Variants in RASSF5 observed in about 807,000 individuals in gnomAD.
RASSF5 encodes ras association domain-containing protein 5.
In RASSF5, 25 loss-of-function variants were observed where a neutral mutation model predicts 40.5. The observed-to-expected ratio is 0.62, with a 90% confidence interval of 0.45 to 0.86. The LOEUF is 0.86. Among genes scored for constraint, RASSF5 ranks in the 40% least tolerant of loss-of-function variants. The pLI is 0.00. For synonymous variants in RASSF5, 246 were observed against 252.4 expected (o/e 0.97, Z 0.24); for missense variants, 521 against 572.8 (o/e 0.91, Z 0.92).
At chr1:206,516,457 C>T (rs555572785) in intron 1 of RASSF5, among the ~76,000 whole-genome samples, 12 of 151,748 alleles carry the variant, frequency 7.9e-5, no homozygotes, top group African/African-American at 2.4e-4. Context: ...CCGCATTACA[C>T]GTGACTTTTT....
chr1:206,546,089 ATTTTTTTTTTTTTTTTTTTTT>A (rs10603701), intron 2 of RASSF5, among the ~76,000 whole-genome samples: 792 of 48,248 alleles, frequency 0.016, 31 homozygotes, highest in African/African-American at 0.06. Flanking sequence ...TTCTTTTTCT[ATTTTTTTTTTTTTTTTTTTTT>A]TTTTTTTTTT....
chr1:206,533,969 A>C (rs1480075262), intron 1 of RASSF5, among the ~76,000 whole-genome samples: 1 of 152,194 alleles, frequency 6.6e-6, no homozygotes, highest in African/African-American at 2.4e-5. Flanking sequence ...CTGCACACCA[A>C]GGAATCCAGC....
intron 2 of RASSF5, among the ~76,000 whole-genome samples, chr1:206,567,015 G>T (rs1162703484): frequency 6.6e-6 from 1 of 152,212 alleles, no homozygotes; most frequent in Non-Finnish European, 1.5e-5. Context: ...AGGGAAGCTT[G>T]CTAAGATTCT....
intron 5 of RASSF5, 135 bp downstream of exon 5, chr1:206,585,430 AG>A (rs1297750566): frequency 1.4e-6 from 1 of 690,230 alleles, no homozygotes; most frequent in Non-Finnish European, 2.6e-6. Flanking sequence ...GAGAGTGAGC[AG>A]GGGTGGGTGA....
At chr1:206,570,201 C>T (rs1668405513) in intron 2 of RASSF5, among the ~76,000 whole-genome samples, 1 of 150,580 alleles carries the variant, frequency 6.6e-6, no homozygotes. Context: ...AAGTGATTCT[C>T]CTGCCTCAGC....
rs1669143212 is a variant in RASSF5, at chr1:206,586,970, C to T, written c.1249C>T (p.Pro417Ser). 6.2e-7 allele frequency: 1 copy of T among 1,614,040 alleles called. No homozygotes were observed. The highest frequency in any genetic ancestry group is 8.5e-7 in the Non-Finnish European group (1 of 1,179,994). ...GGCCTTAAGAGAATCCCAGGGCAAACCTGGGTAACCGGTCCTGCTTCCTCT... is the reference window on the plus strand; with the variant it reads ...GGCCTTAAGAGAATCCCAGGGCAAATCTGGGTAACCGGTCCTGCTTCCTCT... ...EEALRESQGK[P>S]G The change falls in exon 6 of 6, where the codon CCT becomes TCT. Residue 417 changes from proline (P) to serine (S), a missense_variant. Coordinates refer to ENST00000579436, the MANE Select transcript of RASSF5 (RefSeq NM_182663.4).
intron 1 of RASSF5, among the ~76,000 whole-genome samples, chr1:206,509,287 G>A (rs1327986508): frequency 2.0e-5 from 3 of 152,224 alleles, no homozygotes; most frequent in African/African-American, 4.8e-5. Context: ...TGTGCTGCCC[G>A]CTGCAGCTGG....
At chr1:206,575,159 G>T (rs1270271566) in intron 2 of RASSF5, among the ~76,000 whole-genome samples, 1 of 152,090 alleles carries the variant, frequency 6.6e-6, no homozygotes, top group African/African-American at 2.4e-5. Context: ...AGATAGATGG[G>T]TGTCTGCCCC....
At chr1:206,585,370 A>G in intron 5 of RASSF5, 75 bp downstream of exon 5, 1 of 1,060,126 alleles carries the variant, frequency 9.4e-7, no homozygotes, top group South Asian at 1.3e-5. Context: ...TGTCCTAACT[A>G]CCTCACATAG....
chr1:206,565,847 AG>A (rs1668275924), intron 2 of RASSF5, among the ~76,000 whole-genome samples: 1 of 152,170 alleles, frequency 6.6e-6, no homozygotes, highest in South Asian at 2.1e-4. Flanking sequence ...AGGAGGATGG[AG>A]GGGGATTTAC....
At chr1:206,524,062 A>ACATATATATTTTATATATAATATGTATAC (rs1553396714) in intron 1 of RASSF5, among the ~76,000 whole-genome samples, 35 of 105,290 alleles carry the variant, frequency 3.3e-4, no homozygotes, top group Non-Finnish European at 5.2e-4. Flanking sequence ...AATAGGTATA[A>ACATATATATTTTATATATAATATGTATAC]CATATATAAT....
At chr1:206,554,119 G>A (rs1667920099) in intron 2 of RASSF5, among the ~76,000 whole-genome samples, 1 of 152,210 alleles carries the variant, frequency 6.6e-6, no homozygotes, top group Non-Finnish European at 1.5e-5. Flanking sequence ...CAGGGGTGCG[G>A]TGGCACCTTG....
At chr1:206,563,396 A>G (rs1668202141) in intron 2 of RASSF5, among the ~76,000 whole-genome samples, 1 of 152,030 alleles carries the variant, frequency 6.6e-6, no homozygotes, top group South Asian at 2.1e-4. Context: ...CCTCTCTCTC[A>G]TCTGTCACTG....
At chr1:206,558,131 C>T (rs1572339242) in intron 2 of RASSF5, among the ~76,000 whole-genome samples, 1 of 152,218 alleles carries the variant, frequency 6.6e-6, no homozygotes, top group African/African-American at 2.4e-5. Context: ...TTGGGACTTC[C>T]GTATTTGAAG....
At position 206,511,852 on chromosome 1, in the gene RASSF5, C is replaced by T. The variant is rs114898236; in HGVS notation, c.457+3793C>T. Among the ~76,000 whole-genome samples the T allele has an allele frequency of 9.3e-3, 1,413 of 152,242 alleles. 23 individuals are homozygous for T. The highest frequency in any genetic ancestry group is 0.033 in the African/African-American group (1,353 of 41,512). ...CTTTCTGCACAGCTGGAACCGCCTG[C>T]GTGACAGCCCCCGATCCTGCAGACC... On this transcript the variant is annotated intron_variant, in intron 1 of 5. Coordinates refer to ENST00000579436, the MANE Select transcript of RASSF5 (RefSeq NM_182663.4).
intron 2 of RASSF5, among the ~76,000 whole-genome samples, chr1:206,546,170 ACAATCATGGCTCACTGCAGCTT>A (rs1451076267): frequency 8.1e-6 from 1 of 124,180 alleles, no homozygotes; most frequent in East Asian, 2.4e-4. Flanking sequence ...GTGCAGTGAC[ACAATCATGGCTCACTGCAGCTT>A]CAACCTCCCC....
intron 1 of RASSF5, among the ~76,000 whole-genome samples, chr1:206,533,407 G>C (rs1553398206): frequency 6.6e-6 from 1 of 152,170 alleles, no homozygotes; most frequent in Non-Finnish European, 1.5e-5. Context: ...TATGGCCCAG[G>C]GAGGGTCCGT....
chr1:206,555,763 C>T (rs1340807703), intron 2 of RASSF5, among the ~76,000 whole-genome samples: 3 of 152,184 alleles, frequency 2.0e-5, no homozygotes, highest in Non-Finnish European at 2.9e-5. Flanking sequence ...TTGTGCCTGC[C>T]AGGCACTCGC....
At chr1:206,545,686 CCTT>C (rs1183858060) in intron 2 of RASSF5, among the ~76,000 whole-genome samples, 36 of 152,200 alleles carry the variant, frequency 2.4e-4, no homozygotes, top group African/African-American at 7.7e-4. Context: ...TATGAAATGA[CCTT>C]CTTTATCCCT....
Sources: allele counts gnomAD v4.1 joint callset (sites outside exome capture counted in the v4.1 genomes callset), GRCh38; gene constraint gnomAD v4.1.1; transcripts MANE v1.5; gene names NCBI Gene and HGNC (gene_info 2026-07-23, HGNC 2026-07-21).